Variants in COL19A1 observed in about 807,000 individuals in gnomAD.
COL19A1 encodes collagen alpha-1(XIX) chain.
Under a neutral mutation model 190.2 loss-of-function variants are expected in COL19A1, and 159 were observed. That is an observed-to-expected ratio of 0.84 (90% CI 0.73 to 0.95). The LOEUF is 0.95. COL19A1 is among the 40% of genes least tolerant of loss of function. COL19A1 has a pLI of 0.00. For synonymous variants in COL19A1, 509 were observed against 458.9 expected (o/e 1.11, Z -1.39); for missense variants, 1,418 against 1,431.9 (o/e 0.99, Z 0.16).
At chr6:70,001,619 C>T (rs993899140) in intron 11 of COL19A1, among the ~76,000 whole-genome samples, 3 of 152,106 alleles carry the variant, frequency 2.0e-5, no homozygotes, top group African/African-American at 7.2e-5. Flanking sequence ...ATTTTCTTCT[C>T]TTTGTAACGA....
At chr6:69,930,251 AC>A (rs1384648470) in intron 6 of COL19A1, among the ~76,000 whole-genome samples, 1 of 152,176 alleles carries the variant, frequency 6.6e-6, no homozygotes, top group Non-Finnish European at 1.5e-5. Context: ...GCCTAGTAAA[AC>A]CCTTTTGGAT....
At chr6:69,954,552 G>A (rs906481998) in intron 9 of COL19A1, among the ~76,000 whole-genome samples, 35 of 152,014 alleles carry the variant, frequency 2.3e-4, no homozygotes, top group African/African-American at 8.2e-4. Flanking sequence ...AGGGAAACAA[G>A]GGAATCTCTT....
At chr6:70,030,380 C>T (rs987385163) in intron 12 of COL19A1, among the ~76,000 whole-genome samples, 1 of 151,946 alleles carries the variant, frequency 6.6e-6, no homozygotes, top group Non-Finnish European at 1.5e-5. Flanking sequence ...AATGAGGACC[C>T]CAGTGTACCC....
chr6:70,094,452 C>A (rs954316955), intron 15 of COL19A1, among the ~76,000 whole-genome samples: 1 of 152,102 alleles, frequency 6.6e-6, no homozygotes, highest in African/African-American at 2.4e-5. Context: ...GCTGAATTAC[C>A]GTGACCTGCC....
intron 11 of COL19A1, among the ~76,000 whole-genome samples, chr6:69,972,234 A>G (rs1284068177): frequency 6.6e-6 from 1 of 152,154 alleles, no homozygotes; most frequent in Non-Finnish European, 1.5e-5. Flanking sequence ...TCTCCAATCA[A>G]AATCTGCTCC....
chr6:70,089,910 G>A (rs1313695290), intron 15 of COL19A1, among the ~76,000 whole-genome samples: 6 of 151,786 alleles, frequency 4.0e-5, no homozygotes, highest in African/African-American at 1.2e-4. Flanking sequence ...CAATGGGCTG[G>A]GTAAATATCA....
intron 4 of COL19A1, among the ~76,000 whole-genome samples, chr6:69,921,411 C>CATATATCATATATATCAT (rs1554166223): frequency 1.6e-4 from 13 of 82,090 alleles, no homozygotes; most frequent in East Asian, 3.0e-4. Context: ...TCATATATAT[C>CATATATCATATATATCAT]ATATATCATA....
intron 12 of COL19A1, among the ~76,000 whole-genome samples, chr6:70,025,709 T>A (rs1403585655): frequency 6.6e-6 from 1 of 152,266 alleles, no homozygotes; most frequent in African/African-American, 2.4e-5. Flanking sequence ...ATCCTAGTAC[T>A]TAGCACATGT....
chr6:69,870,355 G>T (rs1430411906), intron 1 of COL19A1, among the ~76,000 whole-genome samples: 2 of 152,192 alleles, frequency 1.3e-5, no homozygotes, highest in Non-Finnish European at 2.9e-5. Flanking sequence ...GCATAAGTGG[G>T]TATTGAGCTC....
chr6:70,148,433 C>T (rs1039840892), intron 27 of COL19A1, among the ~76,000 whole-genome samples: 1 of 152,180 alleles, frequency 6.6e-6, no homozygotes, highest in Non-Finnish European at 1.5e-5. Context: ...TTTAGGAGCT[C>T]TGTGCCAGGA....
At chr6:70,135,150 T>C (rs998154694) in intron 18 of COL19A1, among the ~76,000 whole-genome samples, 1 of 152,166 alleles carries the variant, frequency 6.6e-6, no homozygotes, top group Non-Finnish European at 1.5e-5. Context: ...GCAAGGTATG[T>C]GGGAAGGGGT....
At chr6:70,072,434 G>A (rs753379144) in intron 15 of COL19A1, among the ~76,000 whole-genome samples, 1 of 152,140 alleles carries the variant, frequency 6.6e-6, no homozygotes, top group African/African-American at 2.4e-5. Context: ...ACAGAAGTTT[G>A]TGTGGTTGGA....
intron 1 of COL19A1, among the ~76,000 whole-genome samples, chr6:69,871,519 C>T (rs752000834): frequency 1.3e-5 from 2 of 152,166 alleles, no homozygotes; most frequent in African/African-American, 4.8e-5. Context: ...GTTGAGATGC[C>T]ATGTACATTA....
chr6:70,107,171 T>C (rs990317725), intron 16 of COL19A1, among the ~76,000 whole-genome samples: 1 of 152,220 alleles, frequency 6.6e-6, no homozygotes, highest in Non-Finnish European at 1.5e-5. Context: ...ACCTTTATTC[T>C]GCCAGACTTC....
rs150158093 is a variant in COL19A1, at chr6:70,006,569, G to A, written c.1027-17058G>A. ...TTTTCTATGGGAGCCTCTGATTGCC[G>A]TTGTTTCTAGTCGGCCATCTTGGCC... On this transcript the variant is annotated intron_variant, in intron 11 of 50. Transcript: ENST00000620364. Among the ~76,000 whole-genome samples the A allele has an allele frequency of 2.8e-3, 430 of 152,236 alleles. 4 individuals carry two copies. Among genetic ancestry groups the A allele is most frequent in the African/African-American group, 9.6e-3 (399 of 41,556 alleles).
chr6:70,188,405 C>G (rs1033730594), intron 47 of COL19A1, among the ~76,000 whole-genome samples, 160 bp downstream of exon 47: 1 of 152,226 alleles, frequency 6.6e-6, no homozygotes, highest in African/African-American at 2.4e-5. Context: ...GTGCCAGATC[C>G]TCTACTAAGC....
intron 1 of COL19A1, among the ~76,000 whole-genome samples, chr6:69,876,040 AAG>A (rs767435518): frequency 2.0e-5 from 3 of 152,124 alleles, no homozygotes; most frequent in Admixed American, 6.6e-5. Flanking sequence ...AGGCCAATAA[AAG>A]AGAGTTTCAG....
intron 49 of COL19A1, among the ~76,000 whole-genome samples, chr6:70,200,672 T>C (rs1216928492): frequency 6.6e-6 from 1 of 152,258 alleles, no homozygotes; most frequent in Non-Finnish European, 1.5e-5. Context: ...GTCACCAGTT[T>C]CCTTCCTACT....
rs1010346595 is a variant in COL19A1, at chr6:70,040,127, A to C, written c.1170+4188A>C. ...TGGATTCTTGTGCTTTTGGTACTTAAATTTTTTTTAATCACATAGAACCAG... is the reference window on the plus strand; with the variant it reads ...TGGATTCTTGTGCTTTTGGTACTTACATTTTTTTTAATCACATAGAACCAG... On this transcript the variant is annotated intron_variant, in intron 14 of 50. Transcript: ENST00000620364. 2.0e-5 allele frequency among the ~76,000 whole-genome samples: 3 copies of C among 151,964 alleles called. No homozygotes were observed. The East Asian group carries it at 5.8e-4, about 29-fold the overall frequency.
Sources: allele counts gnomAD v4.1 joint callset (sites outside exome capture counted in the v4.1 genomes callset), GRCh38; gene constraint gnomAD v4.1.1; transcripts MANE v1.5; gene names NCBI Gene and HGNC (gene_info 2026-07-23, HGNC 2026-07-21).